The following CTBP2 variants were observed in gnomAD, a reference collection of about 807,000 sequenced individuals.
CTBP2 encodes C-terminal binding protein 2.
In CTBP2, 30 loss-of-function variants were observed where a neutral mutation model predicts 80.3. The ratio of observed to expected loss-of-function variants is 0.37; its 90% CI spans 0.28 to 0.51. The LOEUF (loss-of-function observed/expected upper bound fraction) is 0.51, where lower values mean the gene tolerates loss of function less well. Among genes scored for constraint, CTBP2 ranks in the 20% least tolerant of loss-of-function variants. The pLI is 0.93. For synonymous variants in CTBP2, 594 were observed against 587.4 expected, an observed-to-expected ratio of 1.01 and a Z score of -0.16; for missense variants, 1,212 against 1,375.3, an observed-to-expected ratio of 0.88 and a Z score of 1.88.
At position 124,987,263 on chromosome 10, in the gene CTBP2, G is replaced by C. The variant is rs1330657434; in HGVS notation, c.*2255C>G. On this transcript the variant is annotated 3_prime_UTR_variant, in exon 9 of 9. Transcript: ENST00000309035. ...ACAGACATTAATGACTGACTCTGGAGAGTAAGTCATACCTGCACTCTGTGG... is the reference window on the plus strand; with the variant it reads ...ACAGACATTAATGACTGACTCTGGACAGTAAGTCATACCTGCACTCTGTGG... 6.6e-6 allele frequency: 1 copy of C among 152,552 alleles called. No homozygotes were observed. Among genetic ancestry groups the C allele is most frequent in the African/African-American group, 2.4e-5 (1 of 41,426 alleles). 9.4% of individuals were successfully genotyped at this position (152,552 alleles called of 1,614,324 possible).
intron 1 of CTBP2, among the ~76,000 whole-genome samples, chr10:125,131,704 T>C (rs753723568): frequency 2.6e-5 from 4 of 152,218 alleles, no homozygotes; most frequent in Non-Finnish European, 5.9e-5. Flanking sequence ...ATCAGGCTCA[T>C]GTTCCTAATG....
chr10:125,056,936 G>A (rs1004675247), intron 2 of CTBP2, among the ~76,000 whole-genome samples: 3 of 152,218 alleles, frequency 2.0e-5, no homozygotes, highest in East Asian at 1.9e-4. Context: ...GGGACCTGTT[G>A]AGCCCCTCAT....
intron 2 of CTBP2, among the ~76,000 whole-genome samples, chr10:125,109,534 G>A (rs1028103559): frequency 2.0e-5 from 3 of 152,226 alleles, no homozygotes; most frequent in Admixed American, 6.5e-5. Context: ...ATAAGGTTGC[G>A]AGTGGCGGTC....
intron 1 of CTBP2, among the ~76,000 whole-genome samples, chr10:125,132,915 G>C (rs780308160): frequency 1.3e-5 from 2 of 152,158 alleles, no homozygotes; most frequent in Non-Finnish European, 2.9e-5. Flanking sequence ...AATTTTAACA[G>C]TATGGCAAAA....
chr10:125,071,913 G>C (rs1475224105), intron 2 of CTBP2, among the ~76,000 whole-genome samples: 2 of 152,094 alleles, frequency 1.3e-5, no homozygotes, highest in African/African-American at 4.8e-5. Flanking sequence ...GAATGGGCCG[G>C]AACAGTCAGC....
At chr10:125,031,175 G>C (rs958663435), upstream of CTBP2, among the ~76,000 whole-genome samples, 4 of 152,158 alleles carry the variant, frequency 2.6e-5, no homozygotes, top group African/African-American at 9.7e-5. Flanking sequence ...GTTAAGTGTT[G>C]TGGAATTTGT....
At chr10:125,154,291 C>A (rs978027933) in intron 1 of CTBP2, among the ~76,000 whole-genome samples, 1 of 152,150 alleles carries the variant, frequency 6.6e-6, no homozygotes, top group Non-Finnish European at 1.5e-5. Flanking sequence ...TCTGGACTCA[C>A]AGAAGGCAAC....
chr10:125,018,603 A>G (rs1476700423), intron 1 of CTBP2, among the ~76,000 whole-genome samples: 1 of 152,092 alleles, frequency 6.6e-6, no homozygotes, highest in Non-Finnish European at 1.5e-5. Flanking sequence ...CAATAGTGAC[A>G]ATTACTAATA....
chr10:125,147,475 C>G (rs760261152), intron 1 of CTBP2, among the ~76,000 whole-genome samples: 3 of 152,164 alleles, frequency 2.0e-5, no homozygotes, highest in Non-Finnish European at 4.4e-5. Context: ...ACCTCGTGAA[C>G]AGTTTTCAGT....
At chr10:125,140,623 G>C (rs1374886567) in intron 1 of CTBP2, among the ~76,000 whole-genome samples, 1 of 152,104 alleles carries the variant, frequency 6.6e-6, no homozygotes, top group Non-Finnish European at 1.5e-5. Flanking sequence ...AGGAGTTCGA[G>C]ACCAGCCTGG....
chr10:125,080,452 G>A (rs56148630), intron 2 of CTBP2, among the ~76,000 whole-genome samples: 10,138 of 152,192 alleles, frequency 0.067, 450 homozygotes, highest in Middle Eastern at 0.15. Context: ...TCCTCTGGCC[G>A]TTCTGGAACA....
intron 2 of CTBP2, among the ~76,000 whole-genome samples, chr10:125,109,216 C>T (rs1309713151): frequency 6.6e-6 from 1 of 152,234 alleles, no homozygotes; most frequent in African/African-American, 2.4e-5. Context: ...AAATGAGCAT[C>T]TATGAAACGT....
At chr10:125,145,613 G>A (rs1003436100) in intron 1 of CTBP2, among the ~76,000 whole-genome samples, 3 of 152,208 alleles carry the variant, frequency 2.0e-5, no homozygotes, top group Non-Finnish European at 4.4e-5. Context: ...CACAGTTGAC[G>A]GGAGGATTTG....
intron 1 of CTBP2, among the ~76,000 whole-genome samples, chr10:125,127,265 C>T (rs759212587): frequency 2.6e-5 from 4 of 152,170 alleles, no homozygotes; most frequent in East Asian, 1.9e-4. Context: ...TGCCTCACCC[C>T]TTGCAGTGCT....
intron 2 of CTBP2, among the ~76,000 whole-genome samples, chr10:125,090,434 A>G (rs1264876029): frequency 2.0e-5 from 3 of 151,446 alleles, no homozygotes; most frequent in Non-Finnish European, 4.4e-5. Context: ...CATAGAAAAA[A>G]TATGGAATAA....
intron 5 of CTBP2, 97 bp from the exon 8 acceptor site, chr10:124,994,082 G>C (rs1031694319): frequency 1.3e-6 from 2 of 1,522,256 alleles, no homozygotes; most frequent in Non-Finnish European, 1.8e-6. Flanking sequence ...TAGTTTTGTT[G>C]GTCTGGTGGT....
At chr10:125,142,897 T>C (rs992504691) in intron 1 of CTBP2, among the ~76,000 whole-genome samples, 2 of 152,122 alleles carry the variant, frequency 1.3e-5, no homozygotes, top group Non-Finnish European at 2.9e-5. Flanking sequence ...ATCATTTCGT[T>C]ACCTCCCGTG....
chr10:125,003,733 C>A (rs1290224920), intron 1 of CTBP2, among the ~76,000 whole-genome samples: 1 of 152,182 alleles, frequency 6.6e-6, no homozygotes, highest in Non-Finnish European at 1.5e-5. Context: ...GCCAGCAGAC[C>A]ATAGTCCCGA....
intron 1 of CTBP2, among the ~76,000 whole-genome samples, chr10:125,134,279 C>T (rs978730978): frequency 1.3e-5 from 2 of 152,168 alleles, no homozygotes; most frequent in Non-Finnish European, 2.9e-5. Context: ...CCAGAGTCCA[C>T]GGCAGTAAGA....
Sources: gnomAD v4.1 joint callset for allele counts (sites outside exome capture counted in the v4.1 genomes callset) on GRCh38, gnomAD v4.1.1 for gene constraint, MANE v1.5 for transcripts, NCBI Gene and HGNC (gene_info 2026-07-23, HGNC 2026-07-21) for gene names.